DIAPH2: variants seen among roughly 807,000 people sequenced by gnomAD.
DIAPH2 encodes diaphanous related formin 2.
A neutral mutation model predicts 92.7 loss-of-function variants in DIAPH2; 35 were observed. The observed-to-expected ratio is 0.38, with a 90% CI of 0.29 to 0.50. DIAPH2 has a LOEUF of 0.50. DIAPH2 is among the 20% of genes least tolerant of loss of function. The pLI, the probability that DIAPH2 is intolerant of heterozygous loss-of-function variation, is 0.94. For missense variants in DIAPH2, 701 were observed against 819.5 expected, an observed-to-expected ratio of 0.86 and a Z score of 1.77; for synonymous variants, 301 against 280.4, an observed-to-expected ratio of 1.07 and a Z score of -0.73.
chrX:97,374,968 G>T (rs905040446), intron 24 of DIAPH2, among the ~76,000 whole-genome samples: 10 of 111,705 alleles, frequency 9.0e-5, no homozygotes. Context: ...TCTCAAATGG[G>T]AGTGAAAAAG....
intron 9 of DIAPH2, among the ~76,000 whole-genome samples, chrX:96,922,291 C>G (rs1297369299): frequency 9.1e-6 from 1 of 109,784 alleles, no homozygotes; most frequent in Non-Finnish European, 1.9e-5. Context: ...CTGATTTTTC[C>G]TAAGTCTTCT....
intron 26 of DIAPH2, among the ~76,000 whole-genome samples, chrX:97,556,399 T>C (rs2071257589): frequency 8.9e-6 from 1 of 112,376 alleles, no homozygotes; most frequent in African/African-American, 3.2e-5. Context: ...TACCACGAAC[T>C]GTGTGACTTA....
At chrX:97,553,276 A>AG (rs202045153) in intron 26 of DIAPH2, among the ~76,000 whole-genome samples, 1 of 111,850 alleles carries the variant, frequency 8.9e-6, no homozygotes, top group Non-Finnish European at 1.9e-5. Context: ...ACCCTAATTA[A>AG]TTAAATATTC....
At chrX:97,385,002 G>GC (rs2069586240) in intron 25 of DIAPH2, among the ~76,000 whole-genome samples, 1 of 111,238 alleles carries the variant, frequency 9.0e-6, no homozygotes, top group Non-Finnish European at 1.9e-5. Flanking sequence ...AAAAGAAAGT[G>GC]ATTGGTATCA....
intron 2 of DIAPH2, among the ~76,000 whole-genome samples, chrX:96,736,183 AT>A (rs1014267775): frequency 9.0e-6 from 1 of 111,544 alleles, no homozygotes; most frequent in Non-Finnish European, 1.9e-5. Flanking sequence ...GTGCTACTAA[AT>A]TTAAAAACCA....
intron 25 of DIAPH2, among the ~76,000 whole-genome samples, chrX:97,400,486 C>G (rs2069745186): frequency 9.0e-6 from 1 of 111,619 alleles, no homozygotes; most frequent in Non-Finnish European, 1.9e-5. Flanking sequence ...ATGATTAAAT[C>G]AATCTAATTA....
At chrX:97,275,902 C>T (rs781220433) in intron 23 of DIAPH2, among the ~76,000 whole-genome samples, 2 of 112,516 alleles carry the variant, frequency 1.8e-5, no homozygotes, top group Non-Finnish European at 3.8e-5. Context: ...CTGCAATCTC[C>T]GCACTTTGGG....
At position 96,957,921 on chromosome X, in the gene DIAPH2, C is replaced by T; in HGVS notation, c.1708C>T (p.Pro570Ser). 1 of 1,210,502 alleles carries T rather than the reference C, an allele frequency of 8.3e-7. No homozygotes were observed. ...VGPPPPPPAPPLPGGAPLPPP... is the reference protein window; with the variant it reads ...VGPPPPPPAPSLPGGAPLPPP... ...GCCGCCTCCACCACCACCCGCGCCA[C>T]CTCTACCCGGAGGAGCTCCTCTTCC... is the stretch of plus-strand genomic sequence containing the variant. Residue 570 changes from proline to serine, a missense_variant, in exon 16 of 27, where the codon CCT becomes TCT. By Grantham distance (74) the Pro-to-Ser change is moderately conservative. Coordinates refer to ENST00000324765, the MANE Select transcript of DIAPH2 (RefSeq NM_006729.5).
At chrX:97,237,797 G>A (rs1238548316) in intron 22 of DIAPH2, among the ~76,000 whole-genome samples, 1 of 110,509 alleles carries the variant, frequency 9.0e-6, no homozygotes, top group African/African-American at 3.3e-5. Context: ...TAGCCAGGAT[G>A]GTCTCCATCT....
chrX:97,080,151 C>A (rs192554059), intron 19 of DIAPH2, among the ~76,000 whole-genome samples: 1 of 108,410 alleles, frequency 9.2e-6, no homozygotes, highest in Admixed American at 1.0e-4. Context: ...ACATTTCCTT[C>A]CTTCCTTTCT....
At position 96,764,770 on chromosome X, in the gene DIAPH2, T is replaced by C. The variant is rs767935002; in HGVS notation, c.447+6512T>C. Among the ~76,000 whole-genome samples, 7 of 111,840 alleles carry C rather than the reference T, an allele frequency of 6.3e-5. No individual in the cohort carries two copies. In the South Asian group the frequency reaches 2.6e-3, roughly 42 times the overall value. On this transcript the variant is annotated intron_variant, in intron 4 of 26. Coordinates refer to ENST00000324765, the MANE Select transcript of DIAPH2 (RefSeq NM_006729.5). ...CACTTTAAGAAGTACTGGATTCTGA[T>C]AGACTTATTCGGGAAGCTACCTAGG...
chrX:97,545,781 T>C (rs1049762843), intron 26 of DIAPH2, among the ~76,000 whole-genome samples: 1 of 108,599 alleles, frequency 9.2e-6, no homozygotes, highest in African/African-American at 3.4e-5. Flanking sequence ...TGAGTGAATT[T>C]AGAAGCAATG....
In DIAPH2 at chrX:97,328,308, G is replaced by A. The variant is rs776544795; in HGVS notation, c.2845-19808G>A. On this transcript the variant is annotated intron_variant, in intron 23 of 26. Transcript: ENST00000324765. Reference sequence around the variant, plus strand: ...AAATTAGCCATGCATGGTGGCGCACGCCTGTAGTCCCAGCTACTTGGGAGG... The same window carrying A: ...AAATTAGCCATGCATGGTGGCGCACACCTGTAGTCCCAGCTACTTGGGAGG... 9.9e-5 allele frequency among the ~76,000 whole-genome samples: 11 copies of A among 110,868 alleles called. No individual in the cohort carries two copies. The South Asian group carries it at 2.7e-3, about 27-fold the overall frequency.
chrX:97,441,141 C>T (rs368044290), intron 26 of DIAPH2, among the ~76,000 whole-genome samples: 42 of 111,655 alleles, frequency 3.8e-4, no homozygotes, highest in East Asian at 2.8e-3. Flanking sequence ...GTAGGCTGGG[C>T]GCAGTGGCTC....
At chrX:97,055,723 A>G (rs1248883404) in intron 17 of DIAPH2, among the ~76,000 whole-genome samples, 1 of 111,822 alleles carries the variant, frequency 8.9e-6, no homozygotes, top group Non-Finnish European at 1.9e-5. Context: ...AGGAGTAGGT[A>G]GAAGTAGAGA....
chrX:96,984,627 G>A (rs1050933723), intron 17 of DIAPH2, among the ~76,000 whole-genome samples: 3 of 111,232 alleles, frequency 2.7e-5, no homozygotes, highest in African/African-American at 9.8e-5. Flanking sequence ...AATATGGTTA[G>A]AATTGCAACA....
chrX:97,583,440 G>A (rs1463305528), intron 26 of DIAPH2, among the ~76,000 whole-genome samples: 2 of 110,889 alleles, frequency 1.8e-5, no homozygotes, highest in Non-Finnish European at 3.8e-5. Context: ...GCAGTGTGAG[G>A]TGTCAGTGTG....
chrX:97,457,472 A>C (rs1348538212), intron 26 of DIAPH2, among the ~76,000 whole-genome samples: 1 of 112,602 alleles, frequency 8.9e-6, no homozygotes, highest in Non-Finnish European at 1.9e-5. Context: ...TAAAACGTAG[A>C]AGCTTAAAAC....
chrX:97,416,955 T>C (rs2069953170), intron 25 of DIAPH2, among the ~76,000 whole-genome samples: 1 of 112,102 alleles, frequency 8.9e-6, no homozygotes, highest in African/African-American at 3.2e-5. Context: ...GTGCCACCCA[T>C]TTGCCCCTTC....
Sources: allele counts gnomAD v4.1 joint callset (sites outside exome capture counted in the v4.1 genomes callset), GRCh38; gene constraint gnomAD v4.1.1; transcripts MANE v1.5; gene names NCBI Gene and HGNC (gene_info 2026-07-23, HGNC 2026-07-21).